The following PHACTR3 variants were observed in gnomAD, a reference collection of about 807,000 sequenced individuals.
PHACTR3 encodes the protein protein phosphatase 1, regulatory subunit 123.
In PHACTR3, 16 loss-of-function variants were observed where a neutral mutation model predicts 66.8. That is an observed-to-expected ratio of 0.24 (90% CI 0.16 to 0.36). The LOEUF (loss-of-function observed/expected upper bound fraction) is 0.36, where lower values mean the gene tolerates loss of function less well. PHACTR3 is among the 10% of genes least tolerant of loss of function. The probability of loss-of-function intolerance (pLI) is 1.00; values close to 1 mark genes in which losing one functional copy is unlikely to be tolerated. For synonymous variants in PHACTR3, 323 were observed against 292.1 expected (o/e 1.11, Z -1.08); for missense variants, 647 against 719.9 (o/e 0.90, Z 1.16).
chr20:59,697,246 G>A (rs1351755673), intron 1 of PHACTR3, among the ~76,000 whole-genome samples: 3 of 152,200 alleles, frequency 2.0e-5, no homozygotes, highest in African/African-American at 7.2e-5. Context: ...GTGCAGGCAT[G>A]TGCCTGTCTC....
intron 1 of PHACTR3, among the ~76,000 whole-genome samples, chr20:59,728,497 T>C (rs1007441542): frequency 1.3e-5 from 2 of 152,262 alleles, no homozygotes; most frequent in South Asian, 4.2e-4. Context: ...AGCCAGTATG[T>C]GGAGACAACC....
rs1162592218 is a variant in PHACTR3 at position 59,604,817 on chromosome 20, T to C, written c.-198T>C. The C allele has an allele frequency of 1.7e-6, 2 of 1,205,382 alleles. No homozygotes were observed. Among genetic ancestry groups the C allele is most frequent in the African/African-American group, 3.2e-5 (2 of 63,354 alleles). 74.7% of individuals were successfully genotyped at this position (1,205,382 alleles called of 1,614,324 possible). On this transcript the variant is annotated 5_prime_UTR_variant, in exon 1 of 13. Coordinates refer to ENST00000371015, the MANE Select transcript of PHACTR3 (RefSeq NM_080672.5). ...CGCCTGGCTGCAGCCGGCGAGGCTA[T>C]TGTCTCCCCGCCCTGAAGCCAGCCC...
intron 2 of PHACTR3, among the ~76,000 whole-genome samples, chr20:59,745,080 G>T (rs1232419221): frequency 1.3e-5 from 2 of 152,236 alleles, no homozygotes; most frequent in Non-Finnish European, 2.9e-5. Flanking sequence ...GAGCAGGGCG[G>T]GCACTGCTTT....
intron 1 of PHACTR3, among the ~76,000 whole-genome samples, chr20:59,644,469 A>G (rs1462726568): frequency 6.6e-6 from 1 of 151,994 alleles, no homozygotes; most frequent in African/African-American, 2.4e-5. Flanking sequence ...CTCCCCCACC[A>G]CTGAATTGTA....
At chr20:59,686,530 GTGA>G (rs1367448646) in intron 1 of PHACTR3, among the ~76,000 whole-genome samples, 7 of 149,746 alleles carry the variant, frequency 4.7e-5, no homozygotes, top group African/African-American at 1.2e-4. Flanking sequence ...GATGTTGATG[GTGA>G]TGATGATGGT....
chr20:59,640,167 A>G (rs2035053710), intron 1 of PHACTR3, among the ~76,000 whole-genome samples: 2 of 152,222 alleles, frequency 1.3e-5, no homozygotes, highest in African/African-American at 4.8e-5. Flanking sequence ...CAATATTGGG[A>G]AAGATTCTTA....
intron 1 of PHACTR3, among the ~76,000 whole-genome samples, chr20:59,677,311 G>T (rs1267862340): frequency 6.6e-6 from 1 of 152,168 alleles, no homozygotes; most frequent in African/African-American, 2.4e-5. Context: ...AGGAGTCATT[G>T]TCCTTCCGGG....
chr20:59,639,849 G>T (rs528003340), intron 1 of PHACTR3, among the ~76,000 whole-genome samples: 2 of 152,266 alleles, frequency 1.3e-5, no homozygotes, highest in Admixed American at 6.5e-5. Context: ...GTACTGTGCT[G>T]GGATATAAAT....
intron 1 of PHACTR3, among the ~76,000 whole-genome samples, chr20:59,674,024 AG>A (rs769028991): frequency 2.0e-5 from 3 of 152,196 alleles, no homozygotes; most frequent in East Asian, 3.9e-4. Context: ...CTGCCCGAGG[AG>A]TCGAGCTTCT....
chr20:59,743,346 TCTGTG>T, intron 2 of PHACTR3, 78 bp downstream of exon 2: 3 of 1,542,896 alleles, frequency 1.9e-6, no homozygotes, highest in African/African-American at 1.4e-5. Context: ...CCCCTGCTGA[TCTGTG>T]ACTTCCTGGC....
intron 7 of PHACTR3, among the ~76,000 whole-genome samples, chr20:59,791,346 T>A (rs1199362871): frequency 6.6e-6 from 1 of 152,182 alleles, no homozygotes; most frequent in Non-Finnish European, 1.5e-5. Context: ...TAAATTTCTG[T>A]TCAATGTAAA....
intron 7 of PHACTR3, among the ~76,000 whole-genome samples, chr20:59,788,098 G>T (rs6100590): frequency 0.13 from 19,678 of 151,968 alleles, 3,351 homozygotes; most frequent in African/African-American, 0.39. Context: ...TTTATCCTTT[G>T]CCCCCCTCCC....
chr20:59,655,812 ACT>A (rs1465081634), intron 1 of PHACTR3, among the ~76,000 whole-genome samples: 3 of 151,020 alleles, frequency 2.0e-5, no homozygotes. Flanking sequence ...CATTTCTGTG[ACT>A]CTGTTTCATA....
chr20:59,769,976 C>T (rs938673747), intron 5 of PHACTR3, among the ~76,000 whole-genome samples: 1 of 152,252 alleles, frequency 6.6e-6, no homozygotes, highest in Non-Finnish European at 1.5e-5. Flanking sequence ...AAAGTCCATT[C>T]AATTAGCCAC....
At chr20:59,686,848 ATGG>A (rs2036901002) in intron 1 of PHACTR3, among the ~76,000 whole-genome samples, 1 of 139,098 alleles carries the variant, frequency 7.2e-6, no homozygotes, top group African/African-American at 2.7e-5. Context: ...GATGGTGATG[ATGG>A]TGATGATGAT....
intron 1 of PHACTR3, among the ~76,000 whole-genome samples, chr20:59,614,443 C>T (rs761069307): frequency 2.0e-5 from 3 of 152,258 alleles, no homozygotes; most frequent in East Asian, 1.9e-4. Flanking sequence ...GGCTGGGACT[C>T]GTGTTCCTGT....
intron 1 of PHACTR3, among the ~76,000 whole-genome samples, chr20:59,592,438 T>C (rs1196738924): frequency 2.0e-5 from 3 of 152,344 alleles, no homozygotes; most frequent in Middle Eastern, 3.4e-3. Flanking sequence ...CTGATGCACC[T>C]ACATGGACGC....
chr20:59,779,870 G>A (rs1182504), intron 7 of PHACTR3, among the ~76,000 whole-genome samples: 89,612 of 152,124 alleles, frequency 0.59, 28,874 homozygotes, highest in Non-Finnish European at 0.71. Context: ...AGGGCCTTGC[G>A]CTCATTCTCC....
intron 5 of PHACTR3, among the ~76,000 whole-genome samples, chr20:59,772,053 G>T (rs947143617): frequency 6.6e-6 from 1 of 152,210 alleles, no homozygotes; most frequent in African/African-American, 2.4e-5. Context: ...GGAGCTGATG[G>T]TCTCATTTTA....
Sources: gnomAD v4.1 joint callset for allele counts (sites outside exome capture counted in the v4.1 genomes callset) on GRCh38, gnomAD v4.1.1 for gene constraint, MANE v1.5 for transcripts, NCBI Gene and HGNC (gene_info 2026-07-23, HGNC 2026-07-21) for gene names.